The following ADAM23 variants were observed in gnomAD, a reference collection of about 807,000 sequenced individuals.
ADAM23 encodes the protein ADAM metallopeptidase domain 23.
ADAM23 carries 33 observed loss-of-function variants against 120.1 expected under a neutral mutation model. The observed-to-expected ratio is 0.27, with a 90% confidence interval of 0.21 to 0.37. ADAM23 has a LOEUF of 0.37. ADAM23 is among the 10% of genes least tolerant of loss of function. The pLI is 1.00. For synonymous variants in ADAM23, 367 were observed against 375.2 expected (o/e 0.98, Z 0.25); for missense variants, 862 against 1,058.2 (o/e 0.81, Z 2.57).
intron 24 of ADAM23, among the ~76,000 whole-genome samples, chr2:206,601,275 CCTT>C (rs1698636016): frequency 6.6e-6 from 1 of 152,164 alleles, no homozygotes; most frequent in Non-Finnish European, 1.5e-5. Context: ...TTTGGTCAGA[CCTT>C]TTCATCACAA....
At chr2:206,612,214 G>C (rs1217694773) in intron 25 of ADAM23, among the ~76,000 whole-genome samples, 1 of 152,198 alleles carries the variant, frequency 6.6e-6, no homozygotes, top group Non-Finnish European at 1.5e-5. Flanking sequence ...TGTGTGGTTT[G>C]TGTTCAGCTT....
chr2:206,476,929 A>T (rs1695786981), intron 2 of ADAM23, among the ~76,000 whole-genome samples: 2 of 152,194 alleles, frequency 1.3e-5, no homozygotes, highest in Admixed American at 1.3e-4. Flanking sequence ...ATACTGTTTG[A>T]ACACCTATTA....
intron 12 of ADAM23, 25 bp downstream of exon 12, chr2:206,561,237 A>T: frequency 6.3e-7 from 1 of 1,588,794 alleles, no homozygotes; most frequent in Non-Finnish European, 8.6e-7. Flanking sequence ...TTAGAGTTTC[A>T]TCTTTGCATC....
chr2:206,550,138 T>G lies in ADAM23; in HGVS notation c.911T>G (p.Met304Arg), dbSNP rs773389657. Residue 304 changes from methionine (M) to arginine (R), a missense_variant, in exon 9 of 26, where the codon ATG (methionine) becomes AGG (arginine). Physicochemically the swap from Met to Arg is moderately conservative, Grantham distance 91. Coordinates refer to ENST00000264377, the MANE Select transcript of ADAM23 (RefSeq NM_003812.4). ...GAAGAAATGAAATATTTGGAACTTA[T>G]GATTGTTAATGATCACAAAACGGTA... ...IFEEMKYLEL[M>R]IVNDHKTYKK... 2 of 1,584,256 alleles carry G rather than the reference T, an allele frequency of 1.3e-6. No individual in the cohort carries two copies. The highest frequency in any genetic ancestry group is 2.3e-5 in the East Asian group (1 of 44,094).
At chr2:206,502,269 G>A (rs528468593) in intron 3 of ADAM23, among the ~76,000 whole-genome samples, 1 of 152,164 alleles carries the variant, frequency 6.6e-6, no homozygotes, top group South Asian at 2.1e-4. Flanking sequence ...GTCACCTTTT[G>A]ATGATTTTAC....
chr2:206,451,640 A>G (rs1038095361), intron 2 of ADAM23, among the ~76,000 whole-genome samples: 2 of 152,244 alleles, frequency 1.3e-5, no homozygotes, highest in Admixed American at 6.5e-5. Context: ...ATTTATAGTT[A>G]GTATCTTCAG....
rs748408791 is a variant in ADAM23 at position 206,557,441 on chromosome 2, C to T, written c.948C>T (p.Arg316=). The T allele has an allele frequency of 1.3e-5, 21 of 1,613,246 alleles. No homozygotes were observed. The South Asian group carries it at 2.3e-4, about 18-fold the overall frequency. The change falls in exon 10 of 26, where the codon CGC becomes CGT. Residue 316 remains arginine (R), a synonymous_variant. Transcript: ENST00000264377. ...TTCCCCCCTAGTATAAGAAGCATCG[C>T]TCTTCTCATGCACATACCAACAACT... The part of the protein sequence containing the change: ...VNDHKTYKKH[R]SSHAHTNNFA...
chr2:206,559,546 C>A (rs1220798958), intron 10 of ADAM23, among the ~76,000 whole-genome samples: 1 of 152,144 alleles, frequency 6.6e-6, no homozygotes, highest in Admixed American at 6.5e-5. Context: ...TTTAGTGATT[C>A]ATTCCAATCC....
At chr2:206,460,577 TTG>T (rs1201680395) in intron 2 of ADAM23, among the ~76,000 whole-genome samples, 1 of 152,178 alleles carries the variant, frequency 6.6e-6, no homozygotes, top group Non-Finnish European at 1.5e-5. Context: ...ATCTAGTTGT[TTG>T]TGTTTTTTTT....
intron 18 of ADAM23, 22 bp downstream of exon 18, chr2:206,573,217 G>A (rs1173065839): frequency 6.2e-7 from 1 of 1,608,262 alleles, no homozygotes; most frequent in Non-Finnish European, 8.5e-7. Flanking sequence ...TGAGTTTTTG[G>A]TAATACATTT....
chr2:206,473,531 G>A (rs1695705395), intron 2 of ADAM23, among the ~76,000 whole-genome samples: 1 of 151,352 alleles, frequency 6.6e-6, no homozygotes, highest in South Asian at 2.1e-4. Flanking sequence ...GAGGCCAGGA[G>A]TTCAAGACCA....
At chr2:206,568,322 C>T (rs763817570) in intron 15 of ADAM23, among the ~76,000 whole-genome samples, 2 of 152,108 alleles carry the variant, frequency 1.3e-5, no homozygotes, top group African/African-American at 2.4e-5. Context: ...ATCCCTTATT[C>T]GTGTATTCTT....
At chr2:206,589,357 G>T (rs1698384037) in intron 20 of ADAM23, 52 bp from the exon 21 acceptor site, 3 of 1,502,582 alleles carry the variant, frequency 2.0e-6, no homozygotes, top group Non-Finnish European at 9.1e-7. Context: ...TACTGGTTAT[G>T]GATAACAAAG....
intron 3 of ADAM23, among the ~76,000 whole-genome samples, chr2:206,529,463 A>G (rs1477139514): frequency 5.3e-5 from 8 of 152,200 alleles, no homozygotes; most frequent in South Asian, 2.1e-4. Context: ...CAGTGGTGCA[A>G]TCGTAGCTCA....
chr2:206,552,967 C>T (rs1181167290), intron 9 of ADAM23, among the ~76,000 whole-genome samples: 1 of 151,968 alleles, frequency 6.6e-6, no homozygotes, highest in Middle Eastern at 3.2e-3. Flanking sequence ...CATGCCTGGC[C>T]TATTATTACT....
intron 24 of ADAM23, among the ~76,000 whole-genome samples, chr2:206,600,833 G>T (rs1286320145): frequency 6.6e-6 from 1 of 151,950 alleles, no homozygotes; most frequent in Non-Finnish European, 1.5e-5. Context: ...AGATCTCAAA[G>T]CACAAACCAT....
intron 19 of ADAM23, 65 bp from the exon 20 acceptor site, chr2:206,588,026 G>T: frequency 6.5e-7 from 1 of 1,535,008 alleles, no homozygotes; most frequent in Non-Finnish European, 9.0e-7. Context: ...AGGAGACATT[G>T]TAGTAAAAAC....
At chr2:206,479,631 A>C (rs2105876626) in intron 2 of ADAM23, among the ~76,000 whole-genome samples, 1 of 152,298 alleles carries the variant, frequency 6.6e-6, no homozygotes, top group African/African-American at 2.4e-5. Flanking sequence ...TATTGAATAG[A>C]GGTTCTGTTG....
chr2:206,464,795 G>A (rs916729260), intron 2 of ADAM23, among the ~76,000 whole-genome samples: 2 of 151,970 alleles, frequency 1.3e-5, no homozygotes, highest in African/African-American at 4.8e-5. Context: ...GAATCTAGTG[G>A]GTGGAGGCTA....
Sources: gnomAD v4.1 joint callset for allele counts (sites outside exome capture counted in the v4.1 genomes callset) on GRCh38, gnomAD v4.1.1 for gene constraint, MANE v1.5 for transcripts, NCBI Gene and HGNC (gene_info 2026-07-23, HGNC 2026-07-21) for gene names.